ABCC1: variants seen among roughly 807,000 people sequenced by gnomAD.
ABCC1 encodes the protein multidrug resistance-associated protein 1.
In ABCC1, 83 loss-of-function variants were observed where a neutral mutation model predicts 172.9. That is an observed-to-expected ratio of 0.48 (90% CI 0.40 to 0.58). ABCC1 has a LOEUF of 0.58. Among genes scored for constraint, ABCC1 ranks in the 20% least tolerant of loss-of-function variants. The pLI is 0.00. For missense variants in ABCC1, 1,817 were observed against 2,002.7 expected (o/e 0.91, Z 1.77); for synonymous variants, 937 against 825.2 (o/e 1.14, Z -2.32).
intron 5 of ABCC1, among the ~76,000 whole-genome samples, chr16:16,022,286 G>A (rs1335660128): frequency 1.3e-5 from 2 of 152,148 alleles, no homozygotes; most frequent in Non-Finnish European, 2.9e-5. Context: ...TCCAGCCCTG[G>A]CTGCTTGGTG....
At position 15,949,686 on chromosome 16, in the gene ABCC1, C is replaced by T; in HGVS notation, c.-66C>T. The T allele has an allele frequency of 1.0e-6, 1 of 1,002,222 alleles. No individual in the cohort carries two copies. Among genetic ancestry groups the T allele is most frequent in the Non-Finnish European group, 1.2e-6 (1 of 837,234 alleles). The allele number at this position is 1,002,222 out of a possible 1,614,324, so 62.1% of individuals were successfully genotyped here. A position where few individuals can be genotyped will look rare whatever the true frequency, so the allele number is the denominator to read the frequency against. ...TCACCCGCCGCCCGGTGCCCGCCGC[C>T]GCCCGCGCCAGCAACCGGGCCCGAT... On this transcript the variant is annotated 5_prime_UTR_variant, in exon 1 of 31. Coordinates refer to ENST00000399410, the MANE Select transcript of ABCC1 (RefSeq NM_004996.4).
chr16:15,978,120 A>G (rs2046533369), intron 1 of ABCC1, among the ~76,000 whole-genome samples: 1 of 152,182 alleles, frequency 6.6e-6, no homozygotes, highest in Admixed American at 6.5e-5. Context: ...CTGTAATCCC[A>G]GCACTTTGGG....
intron 28 of ABCC1, among the ~76,000 whole-genome samples, chr16:16,134,905 G>A (rs2045861930): frequency 6.6e-6 from 1 of 152,138 alleles, no homozygotes; most frequent in African/African-American, 2.4e-5. Flanking sequence ...GCCTCCAAAA[G>A]TGCTGGGATT....
intron 26 of ABCC1, 136 bp downstream of exon 26, chr16:16,126,047 C>T (rs1048419102): frequency 3.5e-6 from 2 of 570,318 alleles, no homozygotes; most frequent in African/African-American, 3.8e-5. Context: ...TAACGCTTGT[C>T]CAGTCTTTTT....
At chr16:16,089,180 G>A (rs565589711) in intron 18 of ABCC1, among the ~76,000 whole-genome samples, 53 of 152,320 alleles carry the variant, frequency 3.5e-4, no homozygotes, top group African/African-American at 9.4e-4. Context: ...CAGATTTGCA[G>A]ATAAAATGTA....
chr16:16,099,001 CTG>C, intron 19 of ABCC1: 3 of 1,080,684 alleles, frequency 2.8e-6, no homozygotes, highest in South Asian at 1.2e-5. Flanking sequence ...CGTCAGATGT[CTG>C]TGTTTTCACC....
At chr16:16,088,596 T>G (rs909669037) in intron 18 of ABCC1, among the ~76,000 whole-genome samples, 8 of 152,266 alleles carry the variant, frequency 5.3e-5, no homozygotes, top group Admixed American at 2.0e-4. Flanking sequence ...GTGTGTATTT[T>G]TAAATAGAAG....
At chr16:16,133,096 G>C (rs1173403931) in intron 27 of ABCC1, among the ~76,000 whole-genome samples, 2 of 152,092 alleles carry the variant, frequency 1.3e-5, no homozygotes, top group African/African-American at 4.8e-5. Flanking sequence ...CAAGGGAAGT[G>C]AGAAATTGTC....
Position 16,056,120 on chromosome 16 carries a change from G to A in ABCC1, c.1502G>A (p.Arg501Gln). 4 of 1,614,078 alleles carry A rather than the reference G, an allele frequency of 2.5e-6. No individual in the cohort carries two copies. The highest frequency in any genetic ancestry group is 2.5e-6 in the Non-Finnish European group (3 of 1,180,024). ...GCCCACATGAAGAGCAAAGACAATC[G>A]GATCAAGCTGATGAACGAAATTCTC... ...QVAHMKSKDN[R>Q]IKLMNEILNG... The change falls in exon 12 of 31, where the codon CGG becomes CAG. Residue 501 changes from arginine to glutamine, a missense_variant. Arg to Gln is a conservative substitution (Grantham distance 43). Transcript: ENST00000399410.
At chr16:16,087,942 C>T (rs984410375) in intron 18 of ABCC1, among the ~76,000 whole-genome samples, 2 of 152,068 alleles carry the variant, frequency 1.3e-5, no homozygotes, top group Admixed American at 1.3e-4. Flanking sequence ...CGTATATATA[C>T]AGGAAACATC....
chr16:16,067,602 G>C (rs981518454), intron 12 of ABCC1, among the ~76,000 whole-genome samples: 4 of 152,146 alleles, frequency 2.6e-5, no homozygotes, highest in African/African-American at 9.7e-5. Context: ...AACTCAACCA[G>C]GGTCCCACAG....
At chr16:16,046,926 A>G (rs1022270362) in intron 9 of ABCC1, among the ~76,000 whole-genome samples, 3 of 152,070 alleles carry the variant, frequency 2.0e-5, no homozygotes, top group Admixed American at 1.3e-4. Context: ...CAGGCACTGT[A>G]GCTCATGCCT....
intron 1 of ABCC1, among the ~76,000 whole-genome samples, chr16:15,966,595 C>CATGTTAG (rs761952549): frequency 1.3e-5 from 2 of 151,466 alleles, no homozygotes; most frequent in Non-Finnish European, 2.9e-5. Flanking sequence ...CCCAGGATCG[C>CATGTTAG]ATGTTAGATC....
intron 27 of ABCC1, among the ~76,000 whole-genome samples, chr16:16,132,942 C>G (rs892556997): frequency 2.0e-5 from 3 of 152,178 alleles, no homozygotes; most frequent in African/African-American, 7.2e-5. Flanking sequence ...TCCTCCCCCG[C>G]CTGGCTCTTT....
In ABCC1 at chr16:16,077,751, C is replaced by T. The variant is rs2050636541; in HGVS notation, c.1988+1350C>T. On this transcript the variant is annotated intron_variant, in intron 15 of 30. Coordinates refer to ENST00000399410, the MANE Select transcript of ABCC1 (RefSeq NM_004996.4). The stretch of plus-strand genomic sequence containing the variant: ...TAATACTCTGAAATCAGAAAGGTGG[C>T]AGTTAAAAAGCACAGAATCCCAGCA... 3.3e-5 allele frequency among the ~76,000 whole-genome samples: 5 copies of T among 152,168 alleles called. No individual in the cohort carries two copies. The South Asian group carries it at 1.0e-3, about 31-fold the overall frequency.
At position 16,068,185 on chromosome 16, in the gene ABCC1, G is replaced by T. The variant is rs1251127106; in HGVS notation, c.1707G>T (p.Val569=). 6.2e-7 allele frequency: 1 copy of T among 1,614,050 alleles called. No individual in the cohort carries two copies. Among genetic ancestry groups the T allele is most frequent in the East Asian group, 2.2e-5 (1 of 44,888 alleles). ...LVALCTFAVY[V]TIDENNILDA... ...CCTTGTGCACATTTGCCGTCTACGT[G>T]ACCATTGACGAGAACAACATCCTGG... The change falls in exon 13 of 31, where the codon GTG becomes GTT. Residue 569 remains valine (V), a synonymous_variant. Coordinates refer to ENST00000399410, the MANE Select transcript of ABCC1 (RefSeq NM_004996.4).
At position 16,136,538 on chromosome 16, in the gene ABCC1, G is replaced by A. The variant is rs1165626329; in HGVS notation, c.4186G>A (p.Asp1396Asn). 1 of 1,614,202 alleles carries A rather than the reference G, an allele frequency of 6.2e-7. No homozygotes were observed. The highest frequency in any genetic ancestry group is 8.5e-7 in the Non-Finnish European group (1 of 1,180,026). The change falls in exon 29 of 31, where the codon GAT becomes AAT. Residue 1396 changes from aspartate (D) to asparagine (N), a missense_variant. Physicochemically the swap from Asp to Asn is conservative, Grantham distance 23. Around this residue, in one of 3 missense-constraint regions of ABCC1, gnomAD observed 1,412 missense variants for 1,600.3 expected, o/e 0.88. Coordinates refer to ENST00000399410, the MANE Select transcript of ABCC1 (RefSeq NM_004996.4). ...MNLDPFSQYS[D>N]EEVWTSLELA... ...CCTGGACCCATTCAGCCAGTACTCG[G>A]ATGAAGAAGTCTGGACGTCCCTGGA...
intron 1 of ABCC1, among the ~76,000 whole-genome samples, chr16:15,992,711 G>A (rs1326924440): frequency 1.3e-5 from 2 of 152,198 alleles, no homozygotes; most frequent in East Asian, 1.9e-4. Flanking sequence ...AGGGACCACT[G>A]TCTTAATATG....
At chr16:16,114,644 CATT>C (rs34557574) in intron 22 of ABCC1, 119 bp from the exon 23 acceptor site, 273 of 919,616 alleles carry the variant, frequency 3.0e-4, no homozygotes, top group Non-Finnish European at 3.7e-4. Flanking sequence ...CCTGGTTCAT[CATT>C]ATTATTATTA....
Sources: allele counts gnomAD v4.1 joint callset (sites outside exome capture counted in the v4.1 genomes callset), GRCh38; gene constraint gnomAD v4.1.1; regional missense constraint gnomAD v4.1.1; transcripts MANE v1.5; gene names NCBI Gene and HGNC (gene_info 2026-07-23, HGNC 2026-07-21).